RGS7: variants seen among roughly 807,000 people sequenced by gnomAD.
The protein encoded by RGS7 is regulator of G protein signaling 7.
RGS7 carries 27 observed loss-of-function variants against 81.1 expected under a neutral mutation model. The ratio of observed to expected loss-of-function variants is 0.33; its 90% CI spans 0.25 to 0.46. The LOEUF is 0.46. Among genes scored for constraint, RGS7 ranks in the 20% least tolerant of loss-of-function variants. The probability of loss-of-function intolerance (pLI) is 1.00; values close to 1 mark genes in which losing one functional copy is unlikely to be tolerated. For synonymous variants in RGS7, 208 were observed against 207.7 expected (o/e 1.00, Z -0.01); for missense variants, 396 against 607.4 (o/e 0.65, Z 3.66).
chr1:240,895,829 T>C (rs1470293580), intron 6 of RGS7, among the ~76,000 whole-genome samples: 1 of 152,186 alleles, frequency 6.6e-6, no homozygotes, highest in Non-Finnish European at 1.5e-5. Flanking sequence ...GGTCAAATGG[T>C]ATTTCTAGTT....
intron 2 of RGS7, among the ~76,000 whole-genome samples, chr1:241,189,538 T>C (rs2072424261): frequency 6.6e-6 from 1 of 152,232 alleles, no homozygotes; most frequent in Admixed American, 6.5e-5. Context: ...GTCCAATTTA[T>C]TCACTTTTTC....
At chr1:241,124,142 C>T (rs1417355847) in intron 2 of RGS7, among the ~76,000 whole-genome samples, 1 of 151,998 alleles carries the variant, frequency 6.6e-6, no homozygotes, top group Non-Finnish European at 1.5e-5. Flanking sequence ...GCCTCTAATT[C>T]CAGCTCTTTG....
rs576052466 is a variant in RGS7 at position 241,191,337 on chromosome 1, A to G, written c.79-92575T>C. ...TCATAAATGAGTATTTAATTTTTTTAAATGCTTTTTCTGAATTAGTTGATA... is the reference window on the plus strand; with the variant it reads ...TCATAAATGAGTATTTAATTTTTTTGAATGCTTTTTCTGAATTAGTTGATA... On this transcript the variant is annotated intron_variant, in intron 2 of 18. Transcript: ENST00000440928. Among the ~76,000 whole-genome samples the G allele has an allele frequency of 1.2e-4, 18 of 152,192 alleles. No homozygotes were observed. The East Asian group carries it at 1.5e-3, about 13-fold the overall frequency.
At chr1:241,353,874 A>C (rs1455559447) in intron 2 of RGS7, among the ~76,000 whole-genome samples, 1 of 152,188 alleles carries the variant, frequency 6.6e-6, no homozygotes, top group Admixed American at 6.5e-5. Context: ...CAGGTACACT[A>C]AACAGTCAAA....
At position 240,878,717 on chromosome 1, in the gene RGS7, G is replaced by A. The variant is rs180796038; in HGVS notation, c.386-8598C>T. On this transcript the variant is annotated intron_variant, in intron 6 of 18. Coordinates refer to ENST00000440928, the MANE Select transcript of RGS7 (RefSeq NM_001364886.1). ...AGCATACTTAAGAGAATACTGATTT[G>A]GTGTATACACACACACACACAGAGG... Among the ~76,000 whole-genome samples the A allele has an allele frequency of 3.3e-5, 5 of 151,562 alleles. No homozygotes were observed. In the East Asian group the frequency reaches 9.7e-4, roughly 29 times the overall value.
intron 2 of RGS7, among the ~76,000 whole-genome samples, chr1:241,336,032 T>C (rs1016739626): frequency 3.3e-5 from 5 of 152,198 alleles, no homozygotes; most frequent in Admixed American, 6.5e-5. Flanking sequence ...CTTTTTTTTA[T>C]AGCATCCAAC....
At chr1:241,347,995 G>A (rs1339050883) in intron 2 of RGS7, among the ~76,000 whole-genome samples, 1 of 152,076 alleles carries the variant, frequency 6.6e-6, no homozygotes, top group East Asian at 1.9e-4. Context: ...TCTTGGACTT[G>A]ATGCTATTTG....
intron 2 of RGS7, among the ~76,000 whole-genome samples, chr1:241,130,595 T>G (rs1171961298): frequency 6.6e-6 from 1 of 152,112 alleles, no homozygotes; most frequent in Non-Finnish European, 1.5e-5. Flanking sequence ...AATTCACTCA[T>G]GACTTCATGC....
intron 3 of RGS7, among the ~76,000 whole-genome samples, chr1:241,075,064 A>G (rs1187345596): frequency 9.9e-5 from 15 of 152,158 alleles, no homozygotes; most frequent in Admixed American, 2.0e-4. Flanking sequence ...GAAATATCCA[A>G]TAGCCTCTAC....
intron 14 of RGS7, among the ~76,000 whole-genome samples, chr1:240,809,158 C>T (rs897133310): frequency 2.6e-5 from 4 of 152,124 alleles, no homozygotes; most frequent in Non-Finnish European, 4.4e-5. Context: ...TTTCTTAGCA[C>T]TTGCTCTATG....
At chr1:241,047,910 T>C (rs183628192) in intron 3 of RGS7, among the ~76,000 whole-genome samples, 32 of 152,102 alleles carry the variant, frequency 2.1e-4, no homozygotes, top group African/African-American at 7.7e-4. Flanking sequence ...TGGCTAATTT[T>C]TGTATTTTTA....
rs5782179 is a variant in RGS7, at chr1:241,227,570, C to CA, written c.78+128128dup. Reference sequence around the variant, plus strand: ...ACACACAGTGAGACTCTGTCTCTACCAAAAAAAAAAAAAAAAAAATAGAAC... The same window carrying CA: ...ACACACAGTGAGACTCTGTCTCTACCAAAAAAAAAAAAAAAAAAAATAGAAC... On this transcript the variant is annotated intron_variant, in intron 2 of 18. Transcript: ENST00000440928. Among the ~76,000 whole-genome samples the CA allele has an allele frequency of 3.8e-3, 390 of 103,720 alleles. 8 individuals carry two copies. The highest frequency in any genetic ancestry group is 8.5e-3 in the Admixed American group (79 of 9,318). 68.0% of individuals were successfully genotyped at this position (103,720 alleles called of 152,430 possible). A position where few individuals can be genotyped will look rare whatever the true frequency, so the allele number is the denominator to read the frequency against.
intron 9 of RGS7, among the ~76,000 whole-genome samples, chr1:240,842,716 C>T (rs1187456809): frequency 6.6e-6 from 1 of 152,078 alleles, no homozygotes; most frequent in Non-Finnish European, 1.5e-5. Context: ...TCAAGCCAGA[C>T]CAATACGTTG....
intron 3 of RGS7, among the ~76,000 whole-genome samples, chr1:240,986,454 T>C (rs1478068437): frequency 2.0e-5 from 3 of 152,124 alleles, no homozygotes; most frequent in Non-Finnish European, 2.9e-5. Context: ...CAACAAAAGA[T>C]TGAATGAATA....
At chr1:240,806,676 G>A (rs972146067) in intron 14 of RGS7, among the ~76,000 whole-genome samples, 1 of 152,018 alleles carries the variant, frequency 6.6e-6, no homozygotes, top group Non-Finnish European at 1.5e-5. Flanking sequence ...TTTTACCTAA[G>A]GAAAGTAGCA....
intron 2 of RGS7, among the ~76,000 whole-genome samples, chr1:241,190,396 G>A (rs1470546461): frequency 6.6e-6 from 1 of 151,880 alleles, no homozygotes; most frequent in Non-Finnish European, 1.5e-5. Context: ...TGTTAAATCT[G>A]TATGTCAGTT....
At chr1:241,099,412 A>G (rs1167179809) in intron 2 of RGS7, among the ~76,000 whole-genome samples, 1 of 152,146 alleles carries the variant, frequency 6.6e-6, no homozygotes, top group Non-Finnish European at 1.5e-5. Flanking sequence ...AAGTACACAT[A>G]CACGTGCATG....
chr1:240,784,815 G>C (rs1684799191), intron 18 of RGS7, among the ~76,000 whole-genome samples: 1 of 151,924 alleles, frequency 6.6e-6, no homozygotes, highest in African/African-American at 2.4e-5. Context: ...AGAGACTATG[G>C]AGAGGCACTG....
At chr1:241,179,319 G>A (rs896247481) in intron 2 of RGS7, among the ~76,000 whole-genome samples, 2 of 152,140 alleles carry the variant, frequency 1.3e-5, no homozygotes, top group Non-Finnish European at 2.9e-5. Flanking sequence ...GGCTGGTCTC[G>A]AACTCCTGAC....
Sources: allele counts gnomAD v4.1 joint callset (sites outside exome capture counted in the v4.1 genomes callset), GRCh38; gene constraint gnomAD v4.1.1; transcripts MANE v1.5; gene names NCBI Gene and HGNC (gene_info 2026-07-23, HGNC 2026-07-21).